INAVA: variants seen among roughly 807,000 people sequenced by gnomAD.
INAVA encodes innate immunity activator.
A neutral mutation model predicts 55.3 loss-of-function variants in INAVA; 32 were observed. That is an observed-to-expected ratio of 0.58 (90% CI 0.44 to 0.78). The LOEUF is 0.78. Ranked by LOEUF, INAVA falls within the 30% of genes least tolerant of loss-of-function variation. The pLI is 0.00. For synonymous variants in INAVA, 294 were observed against 329.4 expected (o/e 0.89, Z 1.16); for missense variants, 756 against 786.4 (o/e 0.96, Z 0.46).
chr1:200,903,803 C>CAAAA (rs35993705), intron 5 of INAVA, among the ~76,000 whole-genome samples: 5 of 89,912 alleles, frequency 5.6e-5, no homozygotes, highest in East Asian at 3.2e-4. Flanking sequence ...AACTCTGTCT[C>CAAAA]AAAAAAAAAA....
chr1:200,914,072 G>A lies in INAVA; in HGVS notation c.*443G>A, dbSNP rs74317145. 11,749 of 162,782 alleles carry A rather than the reference G, an allele frequency of 0.072. 562 individuals carry two copies. The highest frequency in any genetic ancestry group is 0.18 in the East Asian group (1,031 of 5,650). The allele number at this position is 162,782 out of a possible 1,614,324, so 10.1% of individuals were successfully genotyped here. A position where few individuals can be genotyped will look rare whatever the true frequency, so the allele number is the denominator to read the frequency against. On this transcript the variant is annotated 3_prime_UTR_variant, in exon 10 of 10. Coordinates refer to ENST00000413687, the MANE Select transcript of INAVA (RefSeq NM_001142569.3). ...GAGGCTGGACATGGTACATACTCAT[G>A]CACATGACTCTCCCCCATTTCCCAG...
At chr1:200,900,415 A>G (rs1034914727) in intron 4 of INAVA, among the ~76,000 whole-genome samples, 195 bp downstream of exon 4, 4 of 152,122 alleles carry the variant, frequency 2.6e-5, no homozygotes, top group Admixed American at 6.5e-5. Context: ...CCACTAAGGA[A>G]CCGAGAGCTG....
intron 5 of INAVA, among the ~76,000 whole-genome samples, chr1:200,902,527 C>T (rs1653310121): frequency 6.6e-6 from 1 of 152,200 alleles, no homozygotes; most frequent in Admixed American, 6.5e-5. Context: ...CTGGCTTGGC[C>T]GCAGAACAAC....
intron 5 of INAVA, among the ~76,000 whole-genome samples, chr1:200,903,625 A>G (rs1046858441): frequency 6.7e-6 from 1 of 150,284 alleles, no homozygotes; most frequent in Non-Finnish European, 1.5e-5. Flanking sequence ...ACCAACATGG[A>G]GAAACCCCAT....
In INAVA at chr1:200,914,556, G is replaced by A. The variant is rs1653873244; in HGVS notation, c.*927G>A. 1 of 151,948 alleles carries A rather than the reference G, an allele frequency of 6.6e-6. No homozygotes were observed. Among genetic ancestry groups the A allele is most frequent in the Non-Finnish European group, 1.5e-5 (1 of 68,016 alleles). The allele number at this position is 151,948 out of a possible 1,614,324, so 9.4% of individuals were successfully genotyped here. A position where few individuals can be genotyped will look rare whatever the true frequency, so the allele number is the denominator to read the frequency against. ...CAACCCCCGTCTCCCGGGTTCAAGCGAATCTCCTGCCTCAGCCTTCCGAGT... is the reference window on the plus strand; with the variant it reads ...CAACCCCCGTCTCCCGGGTTCAAGCAAATCTCCTGCCTCAGCCTTCCGAGT... On this transcript the variant is annotated 3_prime_UTR_variant, in exon 10 of 10. Coordinates refer to ENST00000413687, the MANE Select transcript of INAVA (RefSeq NM_001142569.3).
In INAVA at chr1:200,911,622, T is replaced by A. The variant is rs1190786442; in HGVS notation, c.1129T>A (p.Ser377Thr). 6.2e-7 allele frequency: 1 copy of A among 1,613,922 alleles called. No homozygotes were observed. The highest frequency in any genetic ancestry group is 8.5e-7 in the Non-Finnish European group (1 of 1,179,934). Residue 377 changes from serine (S) to threonine (T), a missense_variant, in exon 9 of 10, where the codon TCC becomes ACC. Physicochemically the swap from Ser to Thr is moderately conservative, Grantham distance 58. Coordinates refer to ENST00000413687, the MANE Select transcript of INAVA (RefSeq NM_001142569.3). Reference protein sequence around the residue: ...SCSEDSGSDVSSISHPTSPGS... With the variant: ...SCSEDSGSDVTSISHPTSPGS... The stretch of plus-strand genomic sequence containing the variant: ...CTCAGAAGACAGTGGCTCTGACGTC[T>A]CCAGCATCTCCCACCCCACTTCGCC...
upstream of INAVA, among the ~76,000 whole-genome samples, chr1:200,894,121 A>G (rs1668291213): frequency 6.6e-6 from 1 of 152,100 alleles, no homozygotes; most frequent in East Asian, 1.9e-4. Context: ...CTTATTTTTT[A>G]TAGGAAATAA....
intron 4 of INAVA, 46 bp from the exon 5 acceptor site, chr1:200,900,891 C>T: frequency 5.5e-6 from 8 of 1,452,592 alleles, no homozygotes; most frequent in Non-Finnish European, 6.5e-6. Context: ...TCTGGGCCCC[C>T]AATCTCCCTG....
At chr1:200,892,077 G>T (rs1365375178), upstream of INAVA, among the ~76,000 whole-genome samples, 3 of 152,298 alleles carry the variant, frequency 2.0e-5, no homozygotes, top group East Asian at 5.8e-4. Flanking sequence ...ATTCCAAGCT[G>T]GCTTGGAGTT....
intron 1 of INAVA, among the ~76,000 whole-genome samples, chr1:200,896,670 T>A (rs2102300339): frequency 6.6e-6 from 1 of 152,366 alleles, no homozygotes; most frequent in East Asian, 1.9e-4. Context: ...GCTGTGTTGT[T>A]TATGTAGGTC....
chr1:200,910,005 A>G (rs1317511443), intron 8 of INAVA, among the ~76,000 whole-genome samples: 4 of 152,200 alleles, frequency 2.6e-5, no homozygotes, highest in African/African-American at 4.8e-5. Flanking sequence ...CTTACCTAGC[A>G]CACATATTTT....
At position 200,908,736 on chromosome 1, in the gene INAVA, C is replaced by T. The variant is rs1008749376; in HGVS notation, c.581C>T (p.Ser194Phe). Reference sequence around the variant, plus strand: ...GTTTCTTTTACTCCTGCAGAGGAATCCCAAGTGCCAAAACCTCCTCCAGAG... The same window carrying T: ...GTTTCTTTTACTCCTGCAGAGGAATTCCAAGTGCCAAAACCTCCTCCAGAG... ...SDGLLLEEEE[S>F]QVPKPPPESP... Residue 194 changes from serine (S) to phenylalanine (F), a missense_variant, in exon 7 of 10, where the codon TCC (serine) becomes TTC (phenylalanine). Physicochemically the swap from Ser to Phe is radical, Grantham distance 155 (BLOSUM62 -2). Coordinates refer to ENST00000413687, the MANE Select transcript of INAVA (RefSeq NM_001142569.3). The T allele has an allele frequency of 1.3e-6, 2 of 1,568,490 alleles. No individual in the cohort carries two copies. The highest frequency in any genetic ancestry group is 2.3e-5 in the East Asian group (1 of 43,888).
In INAVA at chr1:200,914,309, G is replaced by A. The variant is rs1414471769; in HGVS notation, c.*680G>A. 3 of 152,374 alleles carry A rather than the reference G, an allele frequency of 2.0e-5. No individual in the cohort carries two copies. Among genetic ancestry groups the A allele is most frequent in the South Asian group, 2.1e-4 (1 of 4,838 alleles). The allele number at this position is 152,374 out of a possible 1,614,324, so 9.4% of individuals were successfully genotyped here. On this transcript the variant is annotated 3_prime_UTR_variant, in exon 10 of 10. Transcript: ENST00000413687. ...ATGCCCTGTGGGCTCCCAGACCCCT[G>A]AGCTTTGAGTCAGTGGCATCACAGT... is the stretch of plus-strand genomic sequence containing the variant.
At chr1:200,913,110 C>T (rs55973213) in intron 9 of INAVA, among the ~76,000 whole-genome samples, 13,876 of 152,288 alleles carry the variant, frequency 0.091, 781 homozygotes, top group Non-Finnish European at 0.12. Context: ...CCCCCACCCA[C>T]GGTTCTTTGG....
chr1:200,894,385 A>G (rs372131696), upstream of INAVA, among the ~76,000 whole-genome samples: 128 of 152,342 alleles, frequency 8.4e-4, no homozygotes, highest in Admixed American at 2.9e-3. Flanking sequence ...GAACTTCTGC[A>G]TATTGGAATT....
Position 200,908,474 on chromosome 1 carries a change from C to T in INAVA, c.575-256C>T, listed in dbSNP as rs115656795. 2.1e-3 allele frequency: 777 copies of T among 378,372 alleles called. 5 individuals carry two copies. Among genetic ancestry groups the T allele is most frequent in the African/African-American group, 0.016 (743 of 47,884 alleles). 23.4% of individuals were successfully genotyped at this position (378,372 alleles called of 1,614,324 possible). Reference sequence around the variant, plus strand: ...CAGGAACAAAGGTTAGAAAGTGGAGCACTGTAAGCCCAAGAGAGTCAATCT... The same window carrying T: ...CAGGAACAAAGGTTAGAAAGTGGAGTACTGTAAGCCCAAGAGAGTCAATCT... On this transcript the variant is annotated intron_variant, in intron 6 of 9. Coordinates refer to ENST00000413687, the MANE Select transcript of INAVA (RefSeq NM_001142569.3).
Position 200,900,155 on chromosome 1 carries a change from G to T in INAVA, c.232G>T (p.Ala78Ser). The change falls in exon 4 of 10, where the codon GCC becomes TCC. Residue 78 changes from alanine (A) to serine (S), a missense_variant. Ala to Ser is a moderately conservative substitution (Grantham distance 99). Transcript: ENST00000413687. ...GTATCCCCTCAAACCAGGGGAAAAG[G>T]CCCCCAAGGTTCGCCGCAGGATCGG... ...AEYPLKPGEK[A>S]PKVRRRIGAA... 6.2e-7 allele frequency: 1 copy of T among 1,614,120 alleles called. No individual in the cohort carries two copies. Among genetic ancestry groups the T allele is most frequent in the African/African-American group, 1.3e-5 (1 of 75,058 alleles).
chr1:200,904,185 T>A (rs1653394078), intron 5 of INAVA, among the ~76,000 whole-genome samples: 1 of 150,952 alleles, frequency 6.6e-6, no homozygotes, highest in African/African-American at 2.4e-5. Flanking sequence ...ACCTACCGGG[T>A]TTAAGCGATT....
rs1184018073 is a variant in INAVA at position 200,904,287 on chromosome 1, C to T, written c.520+3128C>T. Among the ~76,000 whole-genome samples the T allele has an allele frequency of 2.6e-5, 4 of 152,228 alleles. No homozygotes were observed. In the East Asian group the frequency reaches 5.8e-4, roughly 22 times the overall value. ...TATTTTTAGTAGAGATGGGGTTTCACCAAATTGTCCAAGCTAGTCTCGAAC... is the reference window on the plus strand; with the variant it reads ...TATTTTTAGTAGAGATGGGGTTTCATCAAATTGTCCAAGCTAGTCTCGAAC... On this transcript the variant is annotated intron_variant, in intron 5 of 9. Coordinates refer to ENST00000413687, the MANE Select transcript of INAVA (RefSeq NM_001142569.3).
Sources: allele counts gnomAD v4.1 joint callset (sites outside exome capture counted in the v4.1 genomes callset), GRCh38; gene constraint gnomAD v4.1.1; transcripts MANE v1.5; gene names NCBI Gene and HGNC (gene_info 2026-07-23, HGNC 2026-07-21).